SUPT3H: variants seen among roughly 807,000 people sequenced by gnomAD.
The protein encoded by SUPT3H is transcription initiation protein SPT3 homolog.
SUPT3H carries 44 observed loss-of-function variants against 44.3 expected under a neutral mutation model. The ratio of observed to expected loss-of-function variants is 0.99; its 90% confidence interval spans 0.78 to 1.28. The LOEUF (loss-of-function observed/expected upper bound fraction) is 1.28. SUPT3H is among the 50% of genes most tolerant of loss of function. SUPT3H has a pLI of 0.00. For synonymous variants in SUPT3H, 124 were observed against 125.6 expected (o/e 0.99, Z 0.09); for missense variants, 380 against 387.1 (o/e 0.98, Z 0.15).
intron 2 of SUPT3H, among the ~76,000 whole-genome samples, chr6:45,323,481 G>T (rs973193125): frequency 6.6e-6 from 1 of 152,044 alleles, no homozygotes; most frequent in East Asian, 1.9e-4. Context: ...GATAGAGCAA[G>T]CCATTAACAT....
chr6:45,264,498 T>TAA (rs1245929957), intron 2 of SUPT3H, among the ~76,000 whole-genome samples: 1 of 151,964 alleles, frequency 6.6e-6, no homozygotes, highest in Non-Finnish European at 1.5e-5. Context: ...TGTCTCTACT[T>TAA]AGAGTACAAA....
chr6:44,859,545 G>T (rs755164140), intron 10 of SUPT3H, among the ~76,000 whole-genome samples: 2 of 152,132 alleles, frequency 1.3e-5, no homozygotes, highest in Non-Finnish European at 2.9e-5. Flanking sequence ...CACTCAGAAT[G>T]TGGTGCTAAT....
chr6:45,108,899 CA>C (rs1799667349), intron 2 of SUPT3H, among the ~76,000 whole-genome samples: 2 of 152,058 alleles, frequency 1.3e-5, no homozygotes, highest in Admixed American at 1.3e-4. Flanking sequence ...TCCTTATATG[CA>C]GATAATATGA....
At chr6:44,963,136 T>TTA (rs1183636677) in intron 6 of SUPT3H, among the ~76,000 whole-genome samples, 3 of 151,900 alleles carry the variant, frequency 2.0e-5, no homozygotes, top group Non-Finnish European at 4.4e-5. Flanking sequence ...ATTTCTTTTT[T>TTA]TATATATATA....
At chr6:44,926,260 A>G (rs1157272249) in intron 10 of SUPT3H, among the ~76,000 whole-genome samples, 1 of 152,112 alleles carries the variant, frequency 6.6e-6, no homozygotes, top group African/African-American at 2.4e-5. Flanking sequence ...AAAAATACAG[A>G]TGTGTATTTA....
At chr6:45,229,481 T>C (rs1220763174) in intron 2 of SUPT3H, among the ~76,000 whole-genome samples, 1 of 152,164 alleles carries the variant, frequency 6.6e-6, no homozygotes, top group African/African-American at 2.4e-5. Flanking sequence ...ATATCTGGCA[T>C]GAACTGAGTA....
chr6:44,813,250 A>G (rs2153403106), intron 11 of SUPT3H, among the ~76,000 whole-genome samples: 1 of 152,272 alleles, frequency 6.6e-6, no homozygotes, highest in African/African-American at 2.4e-5. Context: ...CGGTGGTGCA[A>G]TCATAACTCA....
At chr6:44,883,829 T>G (rs1370150649) in intron 10 of SUPT3H, among the ~76,000 whole-genome samples, 2 of 152,158 alleles carry the variant, frequency 1.3e-5, no homozygotes, top group Non-Finnish European at 2.9e-5. Context: ...TGCAGAATAA[T>G]GAAACTGGAC....
chr6:45,186,806 T>A (rs2153616009), intron 2 of SUPT3H, among the ~76,000 whole-genome samples: 1 of 152,282 alleles, frequency 6.6e-6, no homozygotes, highest in Admixed American at 6.5e-5. Context: ...GAGGTGTCCT[T>A]CCTATACTCA....
chr6:44,912,546 T>G (rs1279039927), intron 10 of SUPT3H, among the ~76,000 whole-genome samples: 2 of 152,186 alleles, frequency 1.3e-5, no homozygotes, highest in Non-Finnish European at 2.9e-5. Context: ...ACAATGTTTG[T>G]GATAGGAGAT....
chr6:45,067,536 A>G (rs1270251144), intron 3 of SUPT3H, among the ~76,000 whole-genome samples: 1 of 151,308 alleles, frequency 6.6e-6, no homozygotes, highest in Admixed American at 6.6e-5. Flanking sequence ...AACCAACAAA[A>G]TGGGAGAAAA....
intron 3 of SUPT3H, among the ~76,000 whole-genome samples, chr6:45,067,762 G>A (rs1583360559): frequency 7.0e-6 from 1 of 143,664 alleles, no homozygotes; most frequent in African/African-American, 2.7e-5. Flanking sequence ...ACCACTATGA[G>A]ATACCATCTC....
intron 2 of SUPT3H, among the ~76,000 whole-genome samples, chr6:45,317,227 CAAAAAAAA>C (rs70996324): frequency 1.7e-4 from 6 of 36,094 alleles, no homozygotes; most frequent in South Asian, 1.4e-3. Flanking sequence ...GACTCTGTCT[CAAAAAAAA>C]AAAAAAAAAA....
rs570532669 is a variant in SUPT3H, at chr6:44,925,076, C to A, written c.912+7577G>T. The stretch of plus-strand genomic sequence containing the variant: ...TTTTAAAAGTTCAATGTGAAGAATT[C>A]TTTAAAAATTTTTCATATTTTCGAT... On this transcript the variant is annotated intron_variant, in intron 10 of 10. Transcript: ENST00000371459. 1.6e-3 allele frequency among the ~76,000 whole-genome samples: 245 copies of A among 152,218 alleles called. 2 individuals carry two copies. The highest frequency in any genetic ancestry group is 5.5e-3 in the African/African-American group (228 of 41,558).
At chr6:45,217,850 G>A (rs528697535) in intron 2 of SUPT3H, among the ~76,000 whole-genome samples, 56 of 151,392 alleles carry the variant, frequency 3.7e-4, no homozygotes, top group African/African-American at 1.3e-3. Flanking sequence ...AGATCACACT[G>A]CTGCACTCCA....
intron 9 of SUPT3H, among the ~76,000 whole-genome samples, chr6:44,942,498 C>T (rs989308656): frequency 2.0e-5 from 3 of 152,212 alleles, no homozygotes; most frequent in South Asian, 2.1e-4. Context: ...TGCCAGAGTT[C>T]GCGCAATCAC....
chr6:45,025,378 C>T (rs984052082), intron 3 of SUPT3H, among the ~76,000 whole-genome samples: 1 of 152,198 alleles, frequency 6.6e-6, no homozygotes, highest in Non-Finnish European at 1.5e-5. Context: ...GAATTATACA[C>T]GTAGGTCCAG....
At chr6:45,153,160 C>A (rs1293105218) in intron 2 of SUPT3H, among the ~76,000 whole-genome samples, 1 of 152,134 alleles carries the variant, frequency 6.6e-6, no homozygotes, top group African/African-American at 2.4e-5. Flanking sequence ...TATTCCATCC[C>A]CTTATCCTGC....
At chr6:45,338,412 G>C (rs886066860) in intron 2 of SUPT3H, among the ~76,000 whole-genome samples, 2 of 151,712 alleles carry the variant, frequency 1.3e-5, no homozygotes, top group African/African-American at 4.8e-5. Context: ...CAATAAAACT[G>C]GTATCATTTC....
Sources: gnomAD v4.1 joint callset for allele counts (sites outside exome capture counted in the v4.1 genomes callset) on GRCh38, gnomAD v4.1.1 for gene constraint, MANE v1.5 for transcripts, NCBI Gene and HGNC (gene_info 2026-07-23, HGNC 2026-07-21) for gene names.